Variants in SYCP2L observed in about 807,000 individuals in gnomAD.
The protein encoded by SYCP2L is synaptonemal complex protein 2-like.
In SYCP2L, 98 loss-of-function variants were observed where a neutral mutation model predicts 125.8. The observed-to-expected ratio is 0.78, with a 90% CI of 0.66 to 0.92. The LOEUF (loss-of-function observed/expected upper bound fraction) is 0.92, where lower values mean the gene tolerates loss of function less well. Among genes scored for constraint, SYCP2L ranks in the 40% least tolerant of loss-of-function variants. The pLI is 0.00. For missense variants in SYCP2L, 842 were observed against 936.4 expected, an observed-to-expected ratio of 0.90 and a Z score of 1.32; for synonymous variants, 317 against 325.4, an observed-to-expected ratio of 0.97 and a Z score of 0.28.
chr6:10,897,989 AC>A (rs1780287796), intron 4 of SYCP2L, 21 bp from the exon 5 acceptor site: 1 of 1,516,236 alleles, frequency 6.6e-7, no homozygotes, highest in Non-Finnish European at 9.2e-7. Context: ...TTATGTAGTT[AC>A]GTTAGTGTCC....
At chr6:10,947,243 T>G (rs2113388735) in intron 23 of SYCP2L, among the ~76,000 whole-genome samples, 1 of 152,186 alleles carries the variant, frequency 6.6e-6, no homozygotes, top group East Asian at 1.9e-4. Flanking sequence ...TCTTTCCTCT[T>G]TTTCAAAGTT....
At chr6:10,921,128 G>A (rs539796544) in intron 14 of SYCP2L, among the ~76,000 whole-genome samples, 4 of 152,264 alleles carry the variant, frequency 2.6e-5, no homozygotes, top group East Asian at 3.9e-4. Context: ...GAGAACATGC[G>A]GTGTTTGGTT....
Position 10,935,055 on chromosome 6 carries a change from T to C in SYCP2L, c.1684-3T>C, listed in dbSNP as rs1278636603. ...AACACTTAAAAAAGATACTATATTTTAGGCTAAGCTTCTATCACCATCAGA... is the reference window on the plus strand; with the variant it reads ...AACACTTAAAAAAGATACTATATTTCAGGCTAAGCTTCTATCACCATCAGA... On this transcript the variant is annotated splice_region_variant and splice_polypyrimidine_tract_variant and intron_variant, in intron 20 of 29. Coordinates refer to ENST00000283141, the MANE Select transcript of SYCP2L (RefSeq NM_001040274.3). 3 of 1,593,372 alleles carry C rather than the reference T, an allele frequency of 1.9e-6. No homozygotes were observed. In the African/African-American group the frequency reaches 4.1e-5, roughly 22 times the overall value.
intron 21 of SYCP2L, among the ~76,000 whole-genome samples, chr6:10,941,396 C>G (rs1001195814): frequency 2.0e-5 from 3 of 152,160 alleles, no homozygotes; most frequent in African/African-American, 7.2e-5. Flanking sequence ...TTTTTGCCAT[C>G]TACTCATCTG....
At chr6:10,916,757 G>A (rs1250023143) in intron 14 of SYCP2L, among the ~76,000 whole-genome samples, 1 of 152,142 alleles carries the variant, frequency 6.6e-6, no homozygotes, top group East Asian at 1.9e-4. Context: ...TGGGAGGCCA[G>A]GGTGGGCAGA....
chr6:10,891,653 G>GC, intron 2 of SYCP2L, 72 bp downstream of exon 2: 1 of 809,900 alleles, frequency 1.2e-6, no homozygotes, highest in Non-Finnish European at 2.0e-6. Context: ...GTGTGTGTGT[G>GC]TGTGTGTGTG....
At chr6:10,891,398 G>T in intron 1 of SYCP2L, 115 bp from the exon 2 acceptor site, 1 of 838,204 alleles carries the variant, frequency 1.2e-6, no homozygotes, top group Non-Finnish European at 1.8e-6. Context: ...TTCTGTTCAG[G>T]AAAACAATAC....
chr6:10,957,533 C>T (rs7745438), intron 25 of SYCP2L, among the ~76,000 whole-genome samples: 40,155 of 151,990 alleles, frequency 0.26, 5,606 homozygotes, highest in Non-Finnish European at 0.31. Context: ...AGTCTGGGGC[C>T]GGGCATGGTG....
At chr6:10,891,648 T>TATATGA in intron 2 of SYCP2L, 67 bp downstream of exon 2, 5 of 911,146 alleles carry the variant, frequency 5.5e-6, no homozygotes, top group East Asian at 2.5e-5. Context: ...TGTGTGTGTG[T>TATATGA]GTGTGTGTGT....
intron 20 of SYCP2L, among the ~76,000 whole-genome samples, chr6:10,934,007 C>T (rs544045007): frequency 1.3e-5 from 2 of 152,224 alleles, no homozygotes; most frequent in East Asian, 3.9e-4. Flanking sequence ...CAGATCAGTT[C>T]TCATGCTGTA....
At chr6:10,914,790 T>C (rs1237369857) in intron 14 of SYCP2L, among the ~76,000 whole-genome samples, 1 of 142,750 alleles carries the variant, frequency 7.0e-6, no homozygotes, top group African/African-American at 2.6e-5. Flanking sequence ...TCACCCAGGC[T>C]GGAGTGAGTA....
rs1781545552 is a variant in SYCP2L, at chr6:10,958,721, C to G, written c.2164-63C>G. On this transcript the variant is annotated intron_variant, in intron 25 of 29. Coordinates refer to ENST00000283141, the MANE Select transcript of SYCP2L (RefSeq NM_001040274.3). Reference sequence around the variant, plus strand: ...CTGGCAGCATCTTTTTAACACAAAGCATGCACTCAACTTATGTAATTATAT... The same window carrying G: ...CTGGCAGCATCTTTTTAACACAAAGGATGCACTCAACTTATGTAATTATAT... 3 of 1,417,924 alleles carry G rather than the reference C, an allele frequency of 2.1e-6. No homozygotes were observed. In the South Asian group the frequency reaches 3.7e-5, roughly 17 times the overall value. 87.8% of individuals were successfully genotyped at this position (1,417,924 alleles called of 1,614,324 possible). A position where few individuals can be genotyped will look rare whatever the true frequency, so the allele number is the denominator to read the frequency against.
At chr6:10,961,475 A>C in intron 27 of SYCP2L, 25 bp from the exon 28 acceptor site, 1 of 1,613,824 alleles carries the variant, frequency 6.2e-7, no homozygotes, top group Non-Finnish European at 8.5e-7. Flanking sequence ...CTAGCTACTT[A>C]AACAAAACTT....
chr6:10,910,225 T>G, intron 11 of SYCP2L, 25 bp downstream of exon 11: 2 of 1,600,852 alleles, frequency 1.2e-6, no homozygotes, highest in Non-Finnish European at 1.7e-6. Context: ...TGAGCATTAT[T>G]GACTAGTTGT....
chr6:10,910,863 G>C lies in SYCP2L; in HGVS notation c.912G>C (p.Glu304Asp). 1 of 1,613,964 alleles carries C rather than the reference G, an allele frequency of 6.2e-7. No individual in the cohort carries two copies. ...SFPCIAAFAD[E>D]HEMRKPADEK... Reference sequence around the variant, plus strand: ...CGTGTATTGCTGCTTTTGCTGATGAGCATGAGGTATGTTCATCCCTCTTGG... The same window carrying C: ...CGTGTATTGCTGCTTTTGCTGATGACCATGAGGTATGTTCATCCCTCTTGG... Residue 304 changes from glutamate to aspartate, a missense_variant, in exon 12 of 30, where the codon GAG becomes GAC. Coordinates refer to ENST00000283141, the MANE Select transcript of SYCP2L (RefSeq NM_001040274.3).
intron 6 of SYCP2L, among the ~76,000 whole-genome samples, chr6:10,901,584 C>T (rs151153164): frequency 2.0e-5 from 3 of 152,112 alleles, no homozygotes; most frequent in East Asian, 3.9e-4. Context: ...TGCTGTCCTG[C>T]GCATCAGAGG....
At chr6:10,908,435 CA>C (rs1212645681) in intron 10 of SYCP2L, among the ~76,000 whole-genome samples, 1 of 152,050 alleles carries the variant, frequency 6.6e-6, no homozygotes, top group Non-Finnish European at 1.5e-5. Context: ...TTTGGAGAAA[CA>C]ATACTTTTTT....
intron 23 of SYCP2L, among the ~76,000 whole-genome samples, chr6:10,943,641 A>G (rs546329643): frequency 6.6e-6 from 1 of 152,222 alleles, no homozygotes; most frequent in African/African-American, 2.4e-5. Context: ...GAATCCTTCC[A>G]TACCAGATTA....
chr6:10,931,984 GA>G, intron 20 of SYCP2L, among the ~76,000 whole-genome samples: 1 of 122,824 alleles, frequency 8.1e-6, no homozygotes, highest in South Asian at 2.6e-4. Flanking sequence ...AAAAAAGATT[GA>G]GGGTCTTTTT....
Sources: gnomAD v4.1 joint callset for allele counts (sites outside exome capture counted in the v4.1 genomes callset) on GRCh38, gnomAD v4.1.1 for gene constraint, MANE v1.5 for transcripts, NCBI Gene and HGNC (gene_info 2026-07-23, HGNC 2026-07-21) for gene names.